Variants in IL13 observed in about 807,000 individuals in gnomAD.
The protein encoded by IL13 is interleukin 13, also known as interleukin-13.
IL13 carries 9 observed loss-of-function variants against 11.1 expected under a neutral mutation model. That is an observed-to-expected ratio of 0.81 (90% confidence interval 0.49 to 1.42). IL13 has a LOEUF of 1.42. Among genes scored for constraint, IL13 ranks in the 40% most tolerant of loss-of-function variants. The pLI, the probability that IL13 is intolerant of heterozygous loss-of-function variation, is 0.00. For synonymous variants in IL13, 75 were observed against 76.9 expected (o/e 0.97, Z 0.13); for missense variants, 181 against 182.5 (o/e 0.99, Z 0.05).
rs553444004 is a variant in IL13 at position 132,659,734 on chromosome 5, C to T, written c.239C>T (p.Ala80Val). 2.5e-6 allele frequency: 4 copies of T among 1,613,922 alleles called. No individual in the cohort carries two copies. The South Asian group carries it at 3.3e-5, about 13-fold the overall frequency. ...GTCCCCTCCCCACAGTACTGTGCAG[C>T]CCTGGAATCCCTGATCAACGTGTCA... ...INLTAGMYCA[A>V]LESLINVSGC... Residue 80 changes from alanine (A) to valine (V), a missense_variant, in exon 3 of 4, where the codon GCC (alanine) becomes GTC (valine). Transcript: ENST00000304506. This position sits in a 1 kb window ranked among gnomAD's most constrained non-coding sequence, Gnocchi z 4.1.
rs1362506684 is a variant in IL13, at chr5:132,659,404, C to T, written c.175-14C>T. ...CCTGCCAGCACTCTGCTCACTGTCACTTTGCTCCCACAGGCTCCGCTCTGC... is the reference window on the plus strand; with the variant it reads ...CCTGCCAGCACTCTGCTCACTGTCATTTTGCTCCCACAGGCTCCGCTCTGC... On this transcript the variant is annotated splice_polypyrimidine_tract_variant and intron_variant, in intron 1 of 3. Transcript: ENST00000304506. This position sits in a 1 kb window ranked among gnomAD's most constrained non-coding sequence, Gnocchi z 4.1. The T allele has an allele frequency of 1.9e-6, 3 of 1,599,664 alleles. No individual in the cohort carries two copies. The East Asian group carries it at 6.7e-5, about 36-fold the overall frequency.
intron 1 of IL13, 37 bp downstream of exon 1, chr5:132,658,397 C>T (rs200726947): frequency 3.0e-6 from 4 of 1,349,848 alleles, no homozygotes; most frequent in East Asian, 2.4e-5. Flanking sequence ...GCTATGAGGG[C>T]TCCAGGGTGG....
At position 132,660,313 on chromosome 5, in the gene IL13, A is replaced by G; in HGVS notation, c.*31A>G. ...CGAAAGCATCATTATTTGCAGAGAC[A>G]GGACCTGACTATTGAAGTTGCAGAT... On this transcript the variant is annotated 3_prime_UTR_variant, in exon 4 of 4. Transcript: ENST00000304506. The G allele has an allele frequency of 6.2e-7, 1 of 1,607,614 alleles. No individual in the cohort carries two copies. Among genetic ancestry groups the G allele is most frequent in the South Asian group, 1.1e-5 (1 of 89,978 alleles).
In IL13 at chr5:132,659,770, C is replaced by T. The variant is rs868851412; in HGVS notation, c.275C>T (p.Ala92Val). ...CTGATCAACGTGTCAGGCTGCAGTGCCATCGAGAAGACCCAGAGGATGCTG... is the reference window on the plus strand; with the variant it reads ...CTGATCAACGTGTCAGGCTGCAGTGTCATCGAGAAGACCCAGAGGATGCTG... ...ESLINVSGCS[A>V]IEKTQRMLSG... Residue 92 changes from alanine (A) to valine (V), a missense_variant, in exon 3 of 4, where the codon GCC (alanine) becomes GTC (valine). By Grantham distance (64) the Ala-to-Val change is moderately conservative (BLOSUM62 0). Coordinates refer to ENST00000304506, the MANE Select transcript of IL13 (RefSeq NM_002188.3). The surrounding 1 kb of genome is among the most constrained non-coding windows in gnomAD (Gnocchi z 4.1). 4 of 1,614,010 alleles carry T rather than the reference C, an allele frequency of 2.5e-6. No individual in the cohort carries two copies. Among genetic ancestry groups the T allele is most frequent in the Middle Eastern group, 1.7e-4 (1 of 6,060 alleles).
chr5:132,660,593 C>A lies in IL13; in HGVS notation c.*311C>A. On this transcript the variant is annotated 3_prime_UTR_variant, in exon 4 of 4. Transcript: ENST00000304506. ...CACTGTAGCATTACAGTGGGTGCCC[C>A]CCTTGCCAGACATGTGGTGGGACAG... The A allele has an allele frequency of 3.7e-6, 1 of 273,816 alleles. No individual in the cohort carries two copies. The highest frequency in any genetic ancestry group is 7.0e-6 in the Non-Finnish European group (1 of 143,754). The allele number at this position is 273,816 out of a possible 1,614,324, so 17.0% of individuals were successfully genotyped here. A position where few individuals can be genotyped will look rare whatever the true frequency, so the allele number is the denominator to read the frequency against.
In IL13 at chr5:132,659,576, T is replaced by C; in HGVS notation, c.228+105T>C. ...GCTGGGGTTCCAAGCAAGCTTCAAG[T>C]GCTCTCCTCCCTCCCGCCATAATCT... On this transcript the variant is annotated intron_variant, in intron 2 of 3. Transcript: ENST00000304506. This position sits in a 1 kb window ranked among gnomAD's most constrained non-coding sequence, Gnocchi z 4.1. 4 of 1,558,420 alleles carry C rather than the reference T, an allele frequency of 2.6e-6. No individual in the cohort carries two copies. The South Asian group carries it at 3.5e-5, about 14-fold the overall frequency.
At chr5:132,657,634 A>C (rs981809271), upstream of IL13, among the ~76,000 whole-genome samples, 1 of 152,242 alleles carries the variant, frequency 6.6e-6, no homozygotes, top group Non-Finnish European at 1.5e-5. Flanking sequence ...GAATTAGGCA[A>C]GCCAAAAGAA....
chr5:132,657,636 C>T (rs1752064294), upstream of IL13, among the ~76,000 whole-genome samples: 1 of 152,154 alleles, frequency 6.6e-6, no homozygotes, highest in Admixed American at 6.5e-5. Flanking sequence ...ATTAGGCAAG[C>T]CAAAAGAAGT....
Position 132,659,855 on chromosome 5 carries a change from C to T in IL13, c.333+27C>T. 1 of 1,609,504 alleles carries T rather than the reference C, an allele frequency of 6.2e-7. No individual in the cohort carries two copies. The highest frequency in any genetic ancestry group is 1.9e-4 in the Middle Eastern group (1 of 5,156). ...TAAGGCATCCCCCACCCTCTCACAC[C>T]CACCCTGCACCCCCTCCTGCCAACC... is the stretch of plus-strand genomic sequence containing the variant. On this transcript the variant is annotated intron_variant, in intron 3 of 3. Transcript: ENST00000304506. This position sits in a 1 kb window ranked among gnomAD's most constrained non-coding sequence, Gnocchi z 4.1.
chr5:132,660,442 C>T lies in IL13; in HGVS notation c.*160C>T, dbSNP rs200786939. 21 of 1,267,166 alleles carry T rather than the reference C, an allele frequency of 1.7e-5. No homozygotes were observed. Among genetic ancestry groups the T allele is most frequent in the African/African-American group, 4.5e-5 (3 of 66,298 alleles). The allele number at this position is 1,267,166 out of a possible 1,614,324, so 78.5% of individuals were successfully genotyped here. On this transcript the variant is annotated 3_prime_UTR_variant, in exon 4 of 4. Transcript: ENST00000304506. ...GACCTCAGCCTGTGCTGCCCGTCTT[C>T]AGCCTAGCCGACCTCAGCCTTCCCC...
Position 132,659,685 on chromosome 5 carries a change from C to G in IL13, c.229-39C>G. 6.2e-7 allele frequency: 1 copy of G among 1,606,036 alleles called. No homozygotes were observed. Among genetic ancestry groups the G allele is most frequent in the Non-Finnish European group, 8.5e-7 (1 of 1,174,154 alleles). On this transcript the variant is annotated intron_variant, in intron 2 of 3. Transcript: ENST00000304506. This position sits in a 1 kb window ranked among gnomAD's most constrained non-coding sequence, Gnocchi z 4.1. ...CTGCAGACTCACAAAAGGCAGCTGCCCAAGCAGGGCCTGACCCCTCGGTGT... is the reference window on the plus strand; with the variant it reads ...CTGCAGACTCACAAAAGGCAGCTGCGCAAGCAGGGCCTGACCCCTCGGTGT...
rs1752125656 is a variant in IL13, at chr5:132,660,242, T to G, written c.401T>G (p.Leu134Ter). ...GCCCAGTTTGTAAAGGACCTGCTCTTACATTTAAAGAAACTTTTTCGCGAG... is the reference window on the plus strand; with the variant it reads ...GCCCAGTTTGTAAAGGACCTGCTCTGACATTTAAAGAAACTTTTTCGCGAG... ...EVAQFVKDLL[L>*]HLKKLFREGQ... Residue 134 changes from leucine to a stop codon, truncating the protein, a stop_gained, in exon 4 of 4, where the codon TTA becomes TGA. Coordinates refer to ENST00000304506, the MANE Select transcript of IL13 (RefSeq NM_002188.3). LOFTEE classifies it low-confidence loss of function (END_TRUNC). 6.2e-7 allele frequency: 1 copy of G among 1,614,056 alleles called. No individual in the cohort carries two copies. The highest frequency in any genetic ancestry group is 1.7e-5 in the Admixed American group (1 of 60,004).
At chr5:132,658,603 C>A (rs935066876) in intron 1 of IL13, 3 of 432,470 alleles carry the variant, frequency 6.9e-6, no homozygotes, top group Admixed American at 4.0e-5. Flanking sequence ...CCTGGCCTGG[C>A]CTTGTCTGCC....
In IL13 at chr5:132,658,234, G is replaced by A. The variant is rs199924106; in HGVS notation, c.48G>A (p.Ala16=). 25 of 1,611,858 alleles carry A rather than the reference G, an allele frequency of 1.6e-5. No homozygotes were observed. Among genetic ancestry groups the A allele is most frequent in the African/African-American group, 4.0e-5 (3 of 74,866 alleles). The change falls in exon 1 of 4, where the codon GCG becomes GCA. Residue 16 remains alanine, a synonymous_variant. Transcript: ENST00000304506. ...TCCTGTTGGCACTGGGCCTCATGGC[G>A]CTTTTGTTGACCACGGTCATTGCTC... ...NPLLLALGLM[A]LLLTTVIALT... is the part of the protein sequence containing the mutation.
chr5:132,659,957 G>A lies in IL13; in HGVS notation c.333+129G>A, dbSNP rs1193818703. On this transcript the variant is annotated intron_variant, in intron 3 of 3. Coordinates refer to ENST00000304506, the MANE Select transcript of IL13 (RefSeq NM_002188.3). The surrounding 1 kb of genome is among the most constrained non-coding windows in gnomAD (Gnocchi z 4.1). ...AGGGGTGGGGCCATTGTGGCAGCAG[G>A]GACGTGGCCTTCGGGATTTACAGGA... 3.4e-6 allele frequency: 5 copies of A among 1,467,016 alleles called. No individual in the cohort carries two copies. The highest frequency in any genetic ancestry group is 4.5e-6 in the Non-Finnish European group (5 of 1,105,136). 90.9% of individuals were successfully genotyped at this position (1,467,016 alleles called of 1,614,324 possible).
rs200120288 is a variant in IL13 at position 132,659,463 on chromosome 5, G to A, written c.220G>A (p.Ala74Thr). 6.2e-7 allele frequency: 1 copy of A among 1,611,764 alleles called. No homozygotes were observed. The highest frequency in any genetic ancestry group is 8.5e-7 in the Non-Finnish European group (1 of 1,178,606). ...GSMVWSINLT[A>T]GMYCAALESL... Reference sequence around the variant, plus strand: ...CATGGTATGGAGCATCAACCTGACAGCTGGCATGGTAAGGACCTTTGGGTG... The same window carrying A: ...CATGGTATGGAGCATCAACCTGACAACTGGCATGGTAAGGACCTTTGGGTG... The change falls in exon 2 of 4, where the codon GCT (alanine) becomes ACT (threonine). Residue 74 changes from alanine to threonine, a missense_variant. Coordinates refer to ENST00000304506, the MANE Select transcript of IL13 (RefSeq NM_002188.3). The surrounding 1 kb of genome is among the most constrained non-coding windows in gnomAD (Gnocchi z 4.1).
Position 132,659,383 on chromosome 5 carries a change from CCAG to C in IL13, c.175-32_175-30del. 1 of 1,546,216 alleles carries C rather than the reference CCAG, an allele frequency of 6.5e-7. No individual in the cohort carries two copies. On this transcript the variant is annotated intron_variant, in intron 1 of 3. Coordinates refer to ENST00000304506, the MANE Select transcript of IL13 (RefSeq NM_002188.3). This position sits in a 1 kb window ranked among gnomAD's most constrained non-coding sequence, Gnocchi z 4.1. ...TGCCAGGGCAGGCCCACAACCCCTG[CCAG>C]CACTCTGCTCACTGTCACTTTGCTC...
In IL13 at chr5:132,660,693, G is replaced by A. The variant is rs1179082956; in HGVS notation, c.*411G>A. On this transcript the variant is annotated 3_prime_UTR_variant, in exon 4 of 4. Coordinates refer to ENST00000304506, the MANE Select transcript of IL13 (RefSeq NM_002188.3). ...CTTCTTCTTGGTCTTATTTATTATT[G>A]TGTGTTATTTAAATGAGTGTGTTTG... 2 of 193,066 alleles carry A rather than the reference G, an allele frequency of 1.0e-5. No homozygotes were observed. Among genetic ancestry groups the A allele is most frequent in the African/African-American group, 4.7e-5 (2 of 42,768 alleles). The allele number at this position is 193,066 out of a possible 1,614,324, so 12.0% of individuals were successfully genotyped here.
upstream of IL13, chr5:132,658,162 G>A (rs200852476): frequency 1.6e-5 from 24 of 1,525,360 alleles, no homozygotes; most frequent in South Asian, 4.9e-5. Context: ...GCCACAAGAC[G>A]CCAAGGCCAC....
Sources: gnomAD v4.1 joint callset for allele counts (sites outside exome capture counted in the v4.1 genomes callset) on GRCh38, gnomAD v4.1.1 for gene constraint, Gnocchi (gnomAD v3.1) non-coding constraint, MANE v1.5 for transcripts, NCBI Gene and HGNC (gene_info 2026-07-23, HGNC 2026-07-21) for gene names.